CATSPERB: variants seen among roughly 807,000 people sequenced by gnomAD.
CATSPERB encodes the protein cation channel sperm-associated auxiliary subunit beta.
A neutral mutation model predicts 128.3 loss-of-function variants in CATSPERB; 93 were observed. That is an observed-to-expected ratio of 0.72 (90% CI 0.61 to 0.86). The LOEUF (loss-of-function observed/expected upper bound fraction) is 0.86, where lower values mean the gene tolerates loss of function less well. Ranked by LOEUF, CATSPERB falls within the 40% of genes least tolerant of loss-of-function variation. The probability of loss-of-function intolerance (pLI) is 0.00; values close to 1 mark genes in which losing one functional copy is unlikely to be tolerated. For missense variants in CATSPERB, 1,153 were observed against 1,329.5 expected, an observed-to-expected ratio of 0.87 and a Z score of 2.06; for synonymous variants, 381 against 448.8, an observed-to-expected ratio of 0.85 and a Z score of 1.91.
intron 5 of CATSPERB, chr14:91,709,510 C>G (rs1032819774): frequency 4.0e-5 from 2 of 49,496 alleles, no homozygotes; most frequent in African/African-American, 6.9e-5. Context: ...GAAGCCCGGT[C>G]TCTACTAAAA....
intron 7 of CATSPERB, among the ~76,000 whole-genome samples, chr14:91,702,950 C>T (rs545224772): frequency 1.3e-5 from 2 of 151,760 alleles, no homozygotes; most frequent in African/African-American, 4.8e-5. Flanking sequence ...GGATTTCTTA[C>T]CTTAATAGGA....
chr14:91,656,045 A>G (rs952301317), intron 15 of CATSPERB, among the ~76,000 whole-genome samples: 2 of 152,208 alleles, frequency 1.3e-5, no homozygotes, highest in African/African-American at 4.8e-5. Context: ...CATGACGTAT[A>G]TTTTTTAAAA....
chr14:91,675,105 C>T (rs149474695), intron 11 of CATSPERB, among the ~76,000 whole-genome samples: 1 of 152,332 alleles, frequency 6.6e-6, no homozygotes, highest in Non-Finnish European at 1.5e-5. Flanking sequence ...TTTGGTAGTC[C>T]CTTTAGGGAG....
chr14:91,624,677 A>T (rs770695797), intron 18 of CATSPERB, 143 bp downstream of exon 18: 47 of 574,300 alleles, frequency 8.2e-5, no homozygotes, highest in Middle Eastern at 4.8e-4. Context: ...CAGGAACCCA[A>T]ATATATGTAA....
chr14:91,630,650 A>G (rs1438214105), intron 17 of CATSPERB, among the ~76,000 whole-genome samples: 3 of 152,160 alleles, frequency 2.0e-5, no homozygotes, highest in African/African-American at 4.8e-5. Context: ...ACTCAACTGC[A>G]CCTGCTCCAG....
chr14:91,589,483 T>C, intron 24 of CATSPERB, 51 bp downstream of exon 24: 2 of 1,541,928 alleles, frequency 1.3e-6, no homozygotes, highest in Non-Finnish European at 1.8e-6. Flanking sequence ...TGTAAACCAG[T>C]AACAATATTA....
At chr14:91,673,664 C>A (rs897801154) in intron 12 of CATSPERB, among the ~76,000 whole-genome samples, 4 of 152,114 alleles carry the variant, frequency 2.6e-5, no homozygotes, top group African/African-American at 4.8e-5. Context: ...GGGGGTGGGT[C>A]ACGAGGTCAA....
intron 24 of CATSPERB, 48 bp downstream of exon 24, chr14:91,589,486 C>T (rs1170889451): frequency 1.9e-6 from 3 of 1,566,174 alleles, no homozygotes; most frequent in South Asian, 1.2e-5. Context: ...AAACCAGTAA[C>T]AATATTACTT....
intron 15 of CATSPERB, among the ~76,000 whole-genome samples, chr14:91,641,446 T>C (rs61988746): frequency 0.79 from 120,542 of 151,944 alleles, 47,963 homozygotes; most frequent in East Asian, 0.92. Flanking sequence ...GTTTCCCCAG[T>C]ACCATTTATT....
intron 7 of CATSPERB, among the ~76,000 whole-genome samples, chr14:91,701,651 G>T (rs1031780684): frequency 1.3e-5 from 2 of 152,116 alleles, no homozygotes; most frequent in Non-Finnish European, 2.9e-5. Flanking sequence ...AGGAGGAAAG[G>T]GGGTAATAAG....
rs71120177 is a variant in CATSPERB at position 91,612,012 on chromosome 14, T to TTTTCTTTCTTTCTTTCTTTC, written c.2401-1355_2401-1336dup. The stretch of plus-strand genomic sequence containing the variant: ...ATAAAATAACTTTGATTGTTTACTG[T>TTTTCTTTCTTTCTTTCTTTC]TTTCTTTCTTTCTTTCTTTCTTTCT... On this transcript the variant is annotated intron_variant, in intron 20 of 26. Coordinates refer to ENST00000256343, the MANE Select transcript of CATSPERB (RefSeq NM_024764.4). 2.5e-3 allele frequency among the ~76,000 whole-genome samples: 334 copies of TTTTCTTTCTTTCTTTCTTTC among 133,024 alleles called. 4 individuals are homozygous for TTTTCTTTCTTTCTTTCTTTC. Among genetic ancestry groups the TTTTCTTTCTTTCTTTCTTTC allele is most frequent in the South Asian group, 5.8e-3 (23 of 3,968 alleles). The allele number at this position is 133,024 out of a possible 152,430, so 87.3% of individuals were successfully genotyped here.
intron 10 of CATSPERB, among the ~76,000 whole-genome samples, chr14:91,684,367 G>A (rs1318699025): frequency 6.6e-6 from 1 of 152,282 alleles, no homozygotes; most frequent in East Asian, 1.9e-4. Flanking sequence ...TTTGAAAATT[G>A]GTCATGAGAG....
At chr14:91,615,250 G>A (rs1566704574) in intron 20 of CATSPERB, among the ~76,000 whole-genome samples, 1 of 152,176 alleles carries the variant, frequency 6.6e-6, no homozygotes, top group African/African-American at 2.4e-5. Context: ...ATTCTCATAG[G>A]AACTCGACCC....
In CATSPERB at chr14:91,723,052, C is replaced by A; in HGVS notation, c.306G>T (p.Thr102=). ...GAGTAAGATAAAATGTAATTACCAA[C>A]GTTAAATTAAAGTGGAAGATGCCAT... The part of the protein sequence containing the change: ...TYNGIFHFNL[T]LFSDRILWLV... Residue 102 remains threonine, a synonymous_variant, in exon 4 of 27, where the codon ACG becomes ACT. Coordinates refer to ENST00000256343, the MANE Select transcript of CATSPERB (RefSeq NM_024764.4). 1 of 1,498,364 alleles carries A rather than the reference C, an allele frequency of 6.7e-7. No homozygotes were observed. The highest frequency in any genetic ancestry group is 8.9e-7 in the Non-Finnish European group (1 of 1,125,150). 92.8% of individuals were successfully genotyped at this position (1,498,364 alleles called of 1,614,324 possible). A position where few individuals can be genotyped will look rare whatever the true frequency, so the allele number is the denominator to read the frequency against.
intron 5 of CATSPERB, among the ~76,000 whole-genome samples, chr14:91,712,575 G>T (rs981092344): frequency 6.6e-6 from 1 of 152,144 alleles, no homozygotes; most frequent in African/African-American, 2.4e-5. Context: ...CTAACTGAGG[G>T]CTTTTGTATT....
rs189917106 is a variant in CATSPERB, at chr14:91,726,735, C to T, written c.80-1567G>A. ...AGGGAGGGGAAGGGGCTATGAAGGA[C>T]TCATTCAAGAGCCCAGAGATCAAGG... On this transcript the variant is annotated intron_variant, in intron 2 of 26. Transcript: ENST00000256343. Among the ~76,000 whole-genome samples, 662 of 152,266 alleles carry T rather than the reference C, an allele frequency of 4.3e-3. 4 individuals are homozygous for T. Among genetic ancestry groups the T allele is most frequent in the African/African-American group, 0.015 (616 of 41,548 alleles).
chr14:91,674,326 T>G (rs888390010), intron 11 of CATSPERB, 104 bp from the exon 12 acceptor site: 2 of 700,572 alleles, frequency 2.9e-6, no homozygotes, highest in Non-Finnish European at 4.9e-6. Context: ...GAAATTATTT[T>G]TGCAAGTAAA....
intron 7 of CATSPERB, among the ~76,000 whole-genome samples, chr14:91,703,187 A>C (rs775757144): frequency 3.3e-5 from 5 of 152,074 alleles, no homozygotes; most frequent in Non-Finnish European, 5.9e-5. Flanking sequence ...GGGGTCTAGG[A>C]GGTCATCAAT....
chr14:91,658,453 T>C (rs1426601260), intron 15 of CATSPERB, among the ~76,000 whole-genome samples: 4 of 151,766 alleles, frequency 2.6e-5, no homozygotes, highest in African/African-American at 9.7e-5. Context: ...TATCATTACA[T>C]AGAATGAATA....
Sources: allele counts gnomAD v4.1 joint callset (sites outside exome capture counted in the v4.1 genomes callset), GRCh38; gene constraint gnomAD v4.1.1; transcripts MANE v1.5; gene names NCBI Gene and HGNC (gene_info 2026-07-23, HGNC 2026-07-21).